R3HDM1: variants seen among roughly 807,000 people sequenced by gnomAD.
The protein encoded by R3HDM1 is R3H domain containing 1.
R3HDM1 carries 46 observed loss-of-function variants against 141.1 expected under a neutral mutation model. The ratio of observed to expected loss-of-function variants is 0.33; its 90% CI spans 0.26 to 0.42. The LOEUF (loss-of-function observed/expected upper bound fraction) is 0.42, where lower values mean the gene tolerates loss of function less well. Ranked by LOEUF, R3HDM1 falls within the 10% of genes least tolerant of loss-of-function variation. The pLI, the probability that R3HDM1 is intolerant of heterozygous loss-of-function variation, is 1.00. For missense variants in R3HDM1, 1,184 were observed against 1,368.3 expected (o/e 0.87, Z 2.12); for synonymous variants, 435 against 472.9 (o/e 0.92, Z 1.04).
At chr2:135,642,117 T>C (rs2063849899) in intron 15 of R3HDM1, among the ~76,000 whole-genome samples, 1 of 152,188 alleles carries the variant, frequency 6.6e-6, no homozygotes, top group Admixed American at 6.5e-5. Flanking sequence ...TAACCAACAT[T>C]GATTTTTTTG....
chr2:135,709,421 T>C lies in R3HDM1; in HGVS notation c.2460-12T>C, dbSNP rs1023339634. ...CTCCTCTCATTATGCTGTTTTTTTG[T>C]TTTTTCCATAGCTCTTCAGTAGGTT... On this transcript the variant is annotated splice_polypyrimidine_tract_variant and intron_variant, in intron 21 of 26. Transcript: ENST00000683871. 12 of 1,613,674 alleles carry C rather than the reference T, an allele frequency of 7.4e-6. No individual in the cohort carries two copies. Among genetic ancestry groups the C allele is most frequent in the African/African-American group, 6.7e-5 (5 of 74,898 alleles).
chr2:135,608,126 CA>C (rs1352064419), intron 3 of R3HDM1: 1 of 237,482 alleles, frequency 4.2e-6, no homozygotes, highest in East Asian at 1.8e-4. Context: ...CCAGCCTGAC[CA>C]ACATGGTGAA....
intron 1 of R3HDM1, among the ~76,000 whole-genome samples, chr2:135,574,897 G>A (rs1573974952): frequency 6.6e-6 from 1 of 152,170 alleles, no homozygotes; most frequent in Admixed American, 6.5e-5. Context: ...TATTTCCACA[G>A]TATACAGAAA....
At chr2:135,540,090 A>G (rs921126085) in intron 1 of R3HDM1, among the ~76,000 whole-genome samples, 5 of 152,248 alleles carry the variant, frequency 3.3e-5, no homozygotes, top group East Asian at 1.9e-4. Flanking sequence ...CTTTGTTGCT[A>G]TTTCAACAAT....
chr2:135,610,312 A>G (rs780535533), intron 3 of R3HDM1, among the ~76,000 whole-genome samples: 19 of 152,350 alleles, frequency 1.2e-4, no homozygotes, highest in Non-Finnish European at 2.5e-4. Context: ...TAACAATAGG[A>G]TAGGGAGTCC....
At chr2:135,618,250 G>A (rs897655795) in intron 5 of R3HDM1, among the ~76,000 whole-genome samples, 4 of 149,636 alleles carry the variant, frequency 2.7e-5, no homozygotes, top group South Asian at 4.2e-4. Context: ...TGCAACCTCC[G>A]CCTCCCAGGT....
intron 1 of R3HDM1, among the ~76,000 whole-genome samples, chr2:135,591,627 G>C (rs896799891): frequency 6.6e-6 from 1 of 152,164 alleles, no homozygotes; most frequent in East Asian, 1.9e-4. Flanking sequence ...ATGAGACTAA[G>C]TTATGCACCC....
chr2:135,579,547 C>T (rs1706269593), intron 1 of R3HDM1, among the ~76,000 whole-genome samples: 1 of 149,442 alleles, frequency 6.7e-6, no homozygotes, highest in Non-Finnish European at 1.5e-5. Flanking sequence ...CAAAATATCT[C>T]CCCACAAGAT....
At chr2:135,708,287 G>GC (rs1166628224) in intron 21 of R3HDM1, among the ~76,000 whole-genome samples, 1 of 151,738 alleles carries the variant, frequency 6.6e-6, no homozygotes, top group Non-Finnish European at 1.5e-5. Context: ...ATTTCCTTCT[G>GC]CCCCGCAAAT....
At chr2:135,682,301 T>A (rs313520) in intron 21 of R3HDM1, among the ~76,000 whole-genome samples, 4,257 of 152,098 alleles carry the variant, frequency 0.028, 179 homozygotes, top group African/African-American at 0.088. Flanking sequence ...GGGGCTTTCA[T>A]AAGGGAAGGA....
chr2:135,607,639 C>T (rs1342948025), intron 3 of R3HDM1, among the ~76,000 whole-genome samples: 1 of 152,160 alleles, frequency 6.6e-6, no homozygotes, highest in Non-Finnish European at 1.5e-5. Context: ...TCATTTTAGC[C>T]TCTTTTCTAC....
chr2:135,590,735 C>A (rs1331114580), intron 1 of R3HDM1: 1 of 985,118 alleles, frequency 1.0e-6, no homozygotes, highest in African/African-American at 1.7e-5. Flanking sequence ...GCAGCACCTT[C>A]AAGCTGTAAA....
At chr2:135,709,627 A>G (rs2075394465) in intron 22 of R3HDM1, 91 bp downstream of exon 22, 1 of 1,460,306 alleles carries the variant, frequency 6.8e-7, no homozygotes, top group Non-Finnish European at 9.4e-7. Flanking sequence ...AAGCTTCTCA[A>G]TTTGTGATGT....
chr2:135,625,623 A>G (rs1574466466), intron 7 of R3HDM1, among the ~76,000 whole-genome samples: 1 of 152,262 alleles, frequency 6.6e-6, no homozygotes, highest in East Asian at 1.9e-4. Flanking sequence ...TAGCTTCAAG[A>G]TATCAGATTA....
At chr2:135,544,654 C>A (rs1235340616) in intron 1 of R3HDM1, among the ~76,000 whole-genome samples, 2 of 152,120 alleles carry the variant, frequency 1.3e-5, no homozygotes, top group African/African-American at 4.8e-5. Flanking sequence ...TGCAAAAATT[C>A]TCCATTAAAT....
intron 2 of R3HDM1, among the ~76,000 whole-genome samples, chr2:135,603,708 A>T (rs2059814133): frequency 6.6e-6 from 1 of 152,204 alleles, no homozygotes; most frequent in Non-Finnish European, 1.5e-5. Context: ...TTTGGCTTCA[A>T]GCAATTCTTG....
At chr2:135,679,066 CTTTTTTTTTTTTTTTTTT>C (rs141175748) in intron 20 of R3HDM1, among the ~76,000 whole-genome samples, 1 of 70,590 alleles carries the variant, frequency 1.4e-5, no homozygotes, top group Non-Finnish European at 2.6e-5. Flanking sequence ...GCCCGGCTTT[CTTTTTTTTTTTTTTTTTT>C]TTTTTTTTTT....
chr2:135,632,349 AAGAG>A (rs769202241), intron 9 of R3HDM1, among the ~76,000 whole-genome samples: 1 of 151,698 alleles, frequency 6.6e-6, no homozygotes, highest in Non-Finnish European at 1.5e-5. Context: ...AAAAAAACAC[AAGAG>A]AGAGAGCAGA....
At chr2:135,656,493 T>G (rs2105293667) in intron 18 of R3HDM1, 1 of 152,254 alleles carries the variant, frequency 6.6e-6, no homozygotes, top group South Asian at 2.1e-4. Context: ...ATTGAATGCT[T>G]TACGAATTTC....
Sources: gnomAD v4.1 joint callset for allele counts (sites outside exome capture counted in the v4.1 genomes callset) on GRCh38, gnomAD v4.1.1 for gene constraint, MANE v1.5 for transcripts, NCBI Gene and HGNC (gene_info 2026-07-23, HGNC 2026-07-21) for gene names.